The following SLC6A6 variants were observed in gnomAD, a reference collection of about 807,000 sequenced individuals.
SLC6A6 encodes sodium- and chloride-dependent taurine transporter.
SLC6A6 carries 16 observed loss-of-function variants against 68.8 expected under a neutral mutation model. The observed-to-expected ratio is 0.23, with a 90% CI of 0.16 to 0.35. The LOEUF (loss-of-function observed/expected upper bound fraction) is 0.35, where lower values mean the gene tolerates loss of function less well. SLC6A6 is among the 10% of genes least tolerant of loss of function. The pLI, the probability that SLC6A6 is intolerant of heterozygous loss-of-function variation, is 1.00. For missense variants in SLC6A6, 474 were observed against 802.8 expected, an observed-to-expected ratio of 0.59 and a Z score of 4.95; for synonymous variants, 312 against 315.4, an observed-to-expected ratio of 0.99 and a Z score of 0.12.
intron 6 of SLC6A6, among the ~76,000 whole-genome samples, chr3:14,461,928 TC>T (rs1180602213): frequency 1.3e-5 from 2 of 151,944 alleles, no homozygotes; most frequent in Non-Finnish European, 2.9e-5. Context: ...GATGCCCGGC[TC>T]CCCCTGCTGC....
chr3:14,420,018 A>G (rs1410311327), intron 2 of SLC6A6, among the ~76,000 whole-genome samples: 1 of 152,202 alleles, frequency 6.6e-6, no homozygotes, highest in Non-Finnish European at 1.5e-5. Context: ...CATGACTTCC[A>G]GTGTTGTCAG....
intron 2 of SLC6A6, among the ~76,000 whole-genome samples, chr3:14,422,828 A>AGG (rs1699514010): frequency 6.6e-6 from 1 of 152,168 alleles, no homozygotes; most frequent in South Asian, 2.1e-4. Context: ...TGTCACAAGG[A>AGG]GGGGGCTAGG....
intron 2 of SLC6A6, among the ~76,000 whole-genome samples, chr3:14,432,419 T>C (rs1257171108): frequency 2.0e-5 from 3 of 151,910 alleles, no homozygotes; most frequent in Admixed American, 2.0e-4. Flanking sequence ...CGCTGGTGAG[T>C]CAGTGCCAGG....
chr3:14,467,758 C>A, intron 7 of SLC6A6, 95 bp from the exon 8 acceptor site: 1 of 699,756 alleles, frequency 1.4e-6, no homozygotes, highest in Non-Finnish European at 2.5e-6. Flanking sequence ...CGTCCCCAGG[C>A]CATCGCCAGG....
intron 6 of SLC6A6, among the ~76,000 whole-genome samples, chr3:14,458,617 G>A (rs960647424): frequency 6.6e-6 from 1 of 152,212 alleles, no homozygotes; most frequent in African/African-American, 2.4e-5. Flanking sequence ...CCAAGGCTGC[G>A]TTGTAACATT....
At chr3:14,459,096 C>G (rs1430205535) in intron 6 of SLC6A6, among the ~76,000 whole-genome samples, 1 of 152,226 alleles carries the variant, frequency 6.6e-6, no homozygotes, top group Non-Finnish European at 1.5e-5. Flanking sequence ...AGCCTGAACC[C>G]AGGGCCCTAA....
At chr3:14,406,659 G>C (rs1011462909) in intron 1 of SLC6A6, among the ~76,000 whole-genome samples, 11 of 152,152 alleles carry the variant, frequency 7.2e-5, no homozygotes, top group African/African-American at 2.4e-4. Context: ...ACAGGTCTGC[G>C]GAGTTTCCTT....
chr3:14,445,041 G>C (rs530834417), intron 3 of SLC6A6, among the ~76,000 whole-genome samples: 3 of 115,628 alleles, frequency 2.6e-5, no homozygotes, highest in South Asian at 3.0e-4. Flanking sequence ...AAGAGGCGAC[G>C]TGTGAGTGGG....
At chr3:14,407,522 T>G (rs1328103693) in intron 1 of SLC6A6, among the ~76,000 whole-genome samples, 1 of 151,682 alleles carries the variant, frequency 6.6e-6, no homozygotes, top group African/African-American at 2.4e-5. Context: ...TTTTTTTTTT[T>G]TTTGAGACAG....
intron 2 of SLC6A6, among the ~76,000 whole-genome samples, chr3:14,419,249 C>T (rs150150215): frequency 3.3e-3 from 508 of 152,318 alleles, no homozygotes; most frequent in Middle Eastern, 0.024. Flanking sequence ...AAGGGCTCCT[C>T]GGCCCCCTGA....
intron 5 of SLC6A6, among the ~76,000 whole-genome samples, chr3:14,454,167 A>T (rs549235020): frequency 6.6e-6 from 1 of 152,166 alleles, no homozygotes; most frequent in Non-Finnish European, 1.5e-5. Flanking sequence ...GTGGCCTGAC[A>T]TAGGTATTGA....
intron 2 of SLC6A6, among the ~76,000 whole-genome samples, chr3:14,442,596 C>T (rs1019303893): frequency 1.3e-5 from 2 of 152,178 alleles, no homozygotes; most frequent in African/African-American, 4.8e-5. Flanking sequence ...GTGACTGTGG[C>T]CCTCAGGGTC....
intron 2 of SLC6A6, among the ~76,000 whole-genome samples, chr3:14,425,340 T>C (rs921836046): frequency 3.3e-5 from 5 of 152,130 alleles, no homozygotes; most frequent in Non-Finnish European, 7.4e-5. Flanking sequence ...CAAACCTTAT[T>C]TGGGAAACAG....
At position 14,417,591 on chromosome 3, in the gene SLC6A6, A is replaced by G. The variant is rs111902471; in HGVS notation, c.-12+1138A>G. ...CTAAAAAACACAAAAAATTAGCCAGACGTGGTGGCGGGCGCCTGTAGTTCC... is the reference window on the plus strand; with the variant it reads ...CTAAAAAACACAAAAAATTAGCCAGGCGTGGTGGCGGGCGCCTGTAGTTCC... On this transcript the variant is annotated intron_variant, in intron 2 of 14. Coordinates refer to ENST00000622186, the MANE Select transcript of SLC6A6 (RefSeq NM_003043.6). Among the ~76,000 whole-genome samples the G allele has an allele frequency of 6.9e-3, 1,057 of 152,246 alleles. 8 individuals carry two copies. Among genetic ancestry groups the G allele is most frequent in the Non-Finnish European group, 0.011 (735 of 68,002 alleles).
intron 6 of SLC6A6, among the ~76,000 whole-genome samples, chr3:14,459,601 G>GTGGTA (rs1289156349): frequency 2.6e-5 from 4 of 152,120 alleles, no homozygotes; most frequent in Non-Finnish European, 5.9e-5. Flanking sequence ...GCCCGGAACA[G>GTGGTA]GCGGGAGCAG....
chr3:14,416,750 T>C (rs1156703073), intron 2 of SLC6A6, among the ~76,000 whole-genome samples: 1 of 152,280 alleles, frequency 6.6e-6, no homozygotes, highest in African/African-American at 2.4e-5. Flanking sequence ...CTGGCTCTGC[T>C]GCAGAGTAGC....
intron 1 of SLC6A6, among the ~76,000 whole-genome samples, chr3:14,413,449 A>C (rs1699295193): frequency 6.6e-6 from 1 of 152,210 alleles, no homozygotes; most frequent in African/African-American, 2.4e-5. Flanking sequence ...TGCACTGAGC[A>C]CCTGTCCTCA....
At chr3:14,427,458 T>C (rs901350968) in intron 2 of SLC6A6, among the ~76,000 whole-genome samples, 1 of 152,232 alleles carries the variant, frequency 6.6e-6, no homozygotes, top group Non-Finnish European at 1.5e-5. Flanking sequence ...CAGAGCTTCC[T>C]GGCTAGCCCC....
At chr3:14,476,462 CA>C (rs1391277551) in intron 10 of SLC6A6, among the ~76,000 whole-genome samples, 1 of 152,184 alleles carries the variant, frequency 6.6e-6, no homozygotes, top group East Asian at 1.9e-4. Flanking sequence ...CTTTTCCAAC[CA>C]GCTTCTTTTC....
Sources: allele counts gnomAD v4.1 joint callset (sites outside exome capture counted in the v4.1 genomes callset), GRCh38; gene constraint gnomAD v4.1.1; transcripts MANE v1.5; gene names NCBI Gene and HGNC (gene_info 2026-07-23, HGNC 2026-07-21).